Variants in PHTF1 observed in about 807,000 individuals in gnomAD.
PHTF1 encodes the protein putative homeodomain transcription factor 1.
A neutral mutation model predicts 102.4 loss-of-function variants in PHTF1; 88 were observed. The observed-to-expected ratio is 0.86, with a 90% confidence interval of 0.72 to 1.03. The LOEUF (loss-of-function observed/expected upper bound fraction) is 1.03, where lower values mean the gene tolerates loss of function less well. PHTF1 is among the 50% of genes least tolerant of loss of function. The pLI is 0.00. For synonymous variants in PHTF1, 289 were observed against 305.2 expected (o/e 0.95, Z 0.55); for missense variants, 814 against 909.5 (o/e 0.89, Z 1.35).
chr1:113,721,054 A>G (rs2101350788), intron 7 of PHTF1, among the ~76,000 whole-genome samples: 2 of 152,334 alleles, frequency 1.3e-5, no homozygotes, highest in South Asian at 2.1e-4. Context: ...GCAGTGAGCC[A>G]AGATCATGCC....
chr1:113,754,036 T>C (rs909384024), intron 3 of PHTF1, among the ~76,000 whole-genome samples: 5 of 152,210 alleles, frequency 3.3e-5, no homozygotes, highest in African/African-American at 1.2e-4. Context: ...TCTCAGTATT[T>C]GCCACTAAGT....
chr1:113,709,519 T>C (rs1650733943), intron 11 of PHTF1, among the ~76,000 whole-genome samples: 2 of 152,230 alleles, frequency 1.3e-5, no homozygotes, highest in South Asian at 4.1e-4. Context: ...CATCATTCAA[T>C]CTATCCAGAA....
At position 113,718,509 on chromosome 1, in the gene PHTF1, C is replaced by T. The variant is rs184911421; in HGVS notation, c.624-5071G>A. Reference sequence around the variant, plus strand: ...CAGTAGGGACGCTGTGTGGGGGCTCCGACCCCACCTTTTCCCTTCCACACT... The same window carrying T: ...CAGTAGGGACGCTGTGTGGGGGCTCTGACCCCACCTTTTCCCTTCCACACT... On this transcript the variant is annotated intron_variant, in intron 7 of 18. Coordinates refer to ENST00000369604, the MANE Select transcript of PHTF1 (RefSeq NM_001323043.2). Among the ~76,000 whole-genome samples, 179 of 152,296 alleles carry T rather than the reference C, an allele frequency of 1.2e-3. 1 individual carries two copies. Among genetic ancestry groups the T allele is most frequent in the African/African-American group, 4.1e-3 (170 of 41,554 alleles).
intron 5 of PHTF1, among the ~76,000 whole-genome samples, chr1:113,737,711 A>T (rs1655713861): frequency 6.6e-6 from 1 of 152,130 alleles, no homozygotes; most frequent in South Asian, 2.1e-4. Context: ...AGGTGGAAGG[A>T]TTGCTTGCGT....
intron 8 of PHTF1, 38 bp from the exon 9 acceptor site, chr1:113,712,151 C>A: frequency 6.5e-7 from 1 of 1,531,176 alleles, no homozygotes; most frequent in Non-Finnish European, 8.9e-7. Flanking sequence ...AGGGGACAGC[C>A]CAAAATATTC....
intron 2 of PHTF1, among the ~76,000 whole-genome samples, chr1:113,758,072 AC>A (rs572459335): frequency 7.4e-4 from 112 of 151,878 alleles, no homozygotes; most frequent in African/African-American, 2.5e-3. Flanking sequence ...ACATGGTGAA[AC>A]CCCGTCCCTA....
At chr1:113,704,532 G>C in intron 14 of PHTF1, 134 bp downstream of exon 14, 1 of 619,896 alleles carries the variant, frequency 1.6e-6, no homozygotes, top group Non-Finnish European at 2.7e-6. Flanking sequence ...CCAACTTGCT[G>C]TCCAGCAAGT....
intron 11 of PHTF1, among the ~76,000 whole-genome samples, chr1:113,708,526 A>G (rs986319620): frequency 2.0e-5 from 3 of 152,116 alleles, no homozygotes; most frequent in African/African-American, 7.2e-5. Flanking sequence ...CTAGCTACTC[A>G]GGAGGCTGAG....
At chr1:113,727,648 C>T (rs1405304615) in intron 5 of PHTF1, among the ~76,000 whole-genome samples, 3 of 152,124 alleles carry the variant, frequency 2.0e-5, no homozygotes, top group African/African-American at 7.2e-5. Context: ...TACAAATCAT[C>T]TCAATTGACA....
chr1:113,726,459 C>CT lies in PHTF1; in HGVS notation c.446dup (p.Ile150AspfsTer23), dbSNP rs868080441. The CT allele has an allele frequency of 5.0e-6, 8 of 1,610,750 alleles. No homozygotes were observed. The African/African-American group carries it at 1.1e-4, about 22-fold the overall frequency. On this transcript the variant is annotated frameshift_variant, in exon 6 of 19. Coordinates refer to ENST00000369604, the MANE Select transcript of PHTF1 (RefSeq NM_001323043.2). LOFTEE classifies it high-confidence loss of function. ...CATTGTTTCCTGATGGTCTTGTTAT[C>CT]TGAGTAGACACAATTTGACAGTGGA...
At chr1:113,756,601 G>A (rs1159125002) in intron 3 of PHTF1, among the ~76,000 whole-genome samples, 1 of 152,098 alleles carries the variant, frequency 6.6e-6, no homozygotes, top group African/African-American at 2.4e-5. Flanking sequence ...TGGTTCTTTA[G>A]GCTTTTCCAC....
At chr1:113,752,460 C>T (rs1300140107) in intron 3 of PHTF1, among the ~76,000 whole-genome samples, 2 of 123,152 alleles carry the variant, frequency 1.6e-5, no homozygotes, top group Non-Finnish European at 3.1e-5. Context: ...AGTGCAGTGG[C>T]GCGATCTTGG....
chr1:113,697,847 C>A, intron 18 of PHTF1, 122 bp from the exon 19 acceptor site: 1 of 681,912 alleles, frequency 1.5e-6, no homozygotes, highest in South Asian at 1.7e-5. Context: ...TCAAGTCTGG[C>A]AATAGCAACC....
intron 8 of PHTF1, 47 bp downstream of exon 8, chr1:113,713,232 T>C: frequency 6.5e-7 from 1 of 1,528,906 alleles, no homozygotes. Context: ...AATAGGAAAA[T>C]GTTACATGGG....
chr1:113,699,478 G>A (rs751024595), intron 17 of PHTF1: 1 of 644,668 alleles, frequency 1.6e-6, no homozygotes, highest in Non-Finnish European at 2.9e-6. Flanking sequence ...GGCCCAACTT[G>A]GTGATGGGGA....
At chr1:113,739,073 A>G (rs570500081) in intron 3 of PHTF1, among the ~76,000 whole-genome samples, 1 of 152,134 alleles carries the variant, frequency 6.6e-6, no homozygotes, top group South Asian at 2.1e-4. Flanking sequence ...GGCTGGTCTC[A>G]AACTCCTGAC....
Position 113,759,022 on chromosome 1 carries a change from C to T in PHTF1, c.-31+1G>A. 1 of 1,044,660 alleles carries T rather than the reference C, an allele frequency of 9.6e-7. No homozygotes were observed. The highest frequency in any genetic ancestry group is 1.2e-6 in the Non-Finnish European group (1 of 869,522). The allele number at this position is 1,044,660 out of a possible 1,614,324, so 64.7% of individuals were successfully genotyped here. On this transcript the variant is annotated splice_donor_variant, in intron 1 of 18. Coordinates refer to ENST00000369604, the MANE Select transcript of PHTF1 (RefSeq NM_001323043.2). LOFTEE classifies it low-confidence loss of function (5UTR_SPLICE). ...TTCGCTCGCCCGCGTCCGGCTCTCA[C>T]CTAGTGCCCGTTGCCCCGCGGGCCG...
chr1:113,722,705 G>C (rs1223467581), intron 7 of PHTF1, among the ~76,000 whole-genome samples: 6 of 150,844 alleles, frequency 4.0e-5, no homozygotes, highest in Non-Finnish European at 8.9e-5. Context: ...CTGAGGTCAG[G>C]AGTTTGAGAC....
At chr1:113,744,527 G>A (rs776895615) in intron 3 of PHTF1, among the ~76,000 whole-genome samples, 2 of 152,174 alleles carry the variant, frequency 1.3e-5, no homozygotes, top group Admixed American at 1.3e-4. Context: ...TAGCACTACA[G>A]GAACATCCAT....
Sources: allele counts gnomAD v4.1 joint callset (sites outside exome capture counted in the v4.1 genomes callset), GRCh38; gene constraint gnomAD v4.1.1; transcripts MANE v1.5; gene names NCBI Gene and HGNC (gene_info 2026-07-23, HGNC 2026-07-21).